Variants in MOB3B observed in about 807,000 individuals in gnomAD.
MOB3B encodes MOB kinase activator-like 2B.
MOB3B carries 7 observed loss-of-function variants against 18.7 expected under a neutral mutation model. The observed-to-expected ratio is 0.37, with a 90% CI of 0.21 to 0.70. The LOEUF (loss-of-function observed/expected upper bound fraction) is 0.70. Ranked by LOEUF, MOB3B falls within the 30% of genes least tolerant of loss-of-function variation. MOB3B has a pLI of 0.52. For missense variants in MOB3B, 253 were observed against 281.3 expected (o/e 0.90, Z 0.72); for synonymous variants, 111 against 99.9 (o/e 1.11, Z -0.66).
chr9:27,374,411 C>G (rs1319692768), intron 2 of MOB3B, among the ~76,000 whole-genome samples: 2 of 152,042 alleles, frequency 1.3e-5, no homozygotes, highest in Non-Finnish European at 2.9e-5. Context: ...CCAGAAAGTA[C>G]CCTCAATGGT....
chr9:27,447,457 A>G (rs1822710671), intron 2 of MOB3B, among the ~76,000 whole-genome samples: 1 of 152,222 alleles, frequency 6.6e-6, no homozygotes, highest in African/African-American at 2.4e-5. Context: ...CTTCCACTGA[A>G]TATCACATAT....
chr9:27,375,025 G>A (rs1752039135), intron 2 of MOB3B, among the ~76,000 whole-genome samples: 1 of 152,202 alleles, frequency 6.6e-6, no homozygotes, highest in African/African-American at 2.4e-5. Context: ...TCCACCATGG[G>A]GCCACCCCAG....
chr9:27,471,751 C>T (rs1162632285), intron 1 of MOB3B, among the ~76,000 whole-genome samples: 1 of 152,194 alleles, frequency 6.6e-6, no homozygotes, highest in East Asian at 1.9e-4. Flanking sequence ...TAACATCATG[C>T]TTTCTTGAAC....
At chr9:27,368,114 T>C (rs376169043) in intron 2 of MOB3B, among the ~76,000 whole-genome samples, 5 of 152,242 alleles carry the variant, frequency 3.3e-5, no homozygotes, top group African/African-American at 1.2e-4. Context: ...ATACCTCCTC[T>C]GGCAGCGTGG....
chr9:27,355,978 T>C (rs1229684221), intron 3 of MOB3B, among the ~76,000 whole-genome samples: 1 of 152,170 alleles, frequency 6.6e-6, no homozygotes, highest in African/African-American at 2.4e-5. Context: ...CCTAGCACTG[T>C]CAACTGTTGA....
intron 2 of MOB3B, among the ~76,000 whole-genome samples, chr9:27,374,834 T>C (rs1307544383): frequency 1.3e-5 from 2 of 152,252 alleles, no homozygotes; most frequent in Non-Finnish European, 2.9e-5. Context: ...TCCCCATACA[T>C]GGAAGATGCT....
At position 27,470,632 on chromosome 9, in the gene MOB3B, TGGCCCATCTATAATCAG is replaced by T. The variant is rs1315815250; in HGVS notation, c.-198-14901_-198-14885del. Among the ~76,000 whole-genome samples, 4 of 152,342 alleles carry T rather than the reference TGGCCCATCTATAATCAG, an allele frequency of 2.6e-5. No homozygotes were observed. The East Asian group carries it at 7.7e-4, about 29-fold the overall frequency. On this transcript the variant is annotated intron_variant, in intron 1 of 3. Transcript: ENST00000262244. ...ATTCTCACAGCTCACCCCCAACTTC[TGGCCCATCTATAATCAG>T]GGCCCACCCACCCATCTGTTAGCCC...
intron 1 of MOB3B, among the ~76,000 whole-genome samples, chr9:27,497,820 A>C (rs918515203): frequency 6.6e-5 from 10 of 152,210 alleles, no homozygotes; most frequent in Non-Finnish European, 1.5e-4. Flanking sequence ...CTTGTATGTA[A>C]ATAAATTCCT....
At chr9:27,344,632 T>C (rs1426087173) in intron 3 of MOB3B, among the ~76,000 whole-genome samples, 1 of 152,164 alleles carries the variant, frequency 6.6e-6, no homozygotes, top group East Asian at 1.9e-4. Flanking sequence ...GAATTAAAAA[T>C]GGAATTTAGA....
chr9:27,361,272 C>G (rs560928656), intron 2 of MOB3B, among the ~76,000 whole-genome samples: 131 of 152,314 alleles, frequency 8.6e-4, no homozygotes, highest in African/African-American at 2.5e-3. Context: ...GTCCGCCTGA[C>G]TCTAAAATCC....
intron 2 of MOB3B, among the ~76,000 whole-genome samples, chr9:27,429,025 A>G (rs1725918236): frequency 6.6e-6 from 1 of 152,240 alleles, no homozygotes; most frequent in Non-Finnish European, 1.5e-5. Flanking sequence ...TTCTTGACTC[A>G]TACATACTTT....
At chr9:27,429,890 G>T (rs1449583271) in intron 2 of MOB3B, among the ~76,000 whole-genome samples, 1 of 152,190 alleles carries the variant, frequency 6.6e-6, no homozygotes, top group Non-Finnish European at 1.5e-5. Context: ...AGGTATCAGA[G>T]AGGAGGAGCA....
chr9:27,502,111 A>G (rs1222111451), intron 1 of MOB3B, among the ~76,000 whole-genome samples: 4 of 152,154 alleles, frequency 2.6e-5, no homozygotes, highest in African/African-American at 9.7e-5. Context: ...ACAGATCTCC[A>G]GTTTCTAGTC....
rs58115889 is a variant in MOB3B at position 27,343,700 on chromosome 9, CTT to C, written c.622-13086_622-13085del. On this transcript the variant is annotated intron_variant, in intron 3 of 3. Transcript: ENST00000262244. ...TTTATTATGAGGCTGGAATTTTAGC[CTT>C]TTTTTTTTTTTTTTTTTAGCAGTAC... is the stretch of plus-strand genomic sequence containing the variant. Among the ~76,000 whole-genome samples the C allele has an allele frequency of 8.9e-3, 1,101 of 123,920 alleles. 7 individuals carry two copies. Among genetic ancestry groups the C allele is most frequent in the Non-Finnish European group, 0.012 (696 of 60,502 alleles). 81.3% of individuals were successfully genotyped at this position (123,920 alleles called of 152,430 possible).
At chr9:27,484,869 C>T (rs1819711274) in intron 1 of MOB3B, among the ~76,000 whole-genome samples, 1 of 152,202 alleles carries the variant, frequency 6.6e-6, no homozygotes, top group African/African-American at 2.4e-5. Flanking sequence ...TACATCCACA[C>T]AGTCAGGTTG....
chr9:27,337,224 T>C (rs949843686), intron 3 of MOB3B, among the ~76,000 whole-genome samples: 5 of 152,200 alleles, frequency 3.3e-5, no homozygotes, highest in Non-Finnish European at 7.3e-5. Context: ...CCTCTAGGGG[T>C]AGAGGCCAGG....
intron 2 of MOB3B, among the ~76,000 whole-genome samples, chr9:27,404,394 T>C (rs1587186459): frequency 7.1e-6 from 1 of 141,518 alleles, no homozygotes; most frequent in African/African-American, 2.7e-5. Context: ...TCTCGTTCTG[T>C]CACCAGGCTG....
At chr9:27,374,489 T>C (rs1821464498) in intron 2 of MOB3B, among the ~76,000 whole-genome samples, 2 of 152,114 alleles carry the variant, frequency 1.3e-5, no homozygotes, top group Non-Finnish European at 2.9e-5. Flanking sequence ...AATTTTAAGG[T>C]CCTTATGAAA....
rs779124158 is a variant in MOB3B, at chr9:27,343,478, T to TAAAAAAAAAAAAA, written c.622-12875_622-12863dup. ...ACACCCAAGAATGCTCAATAAATAC[T>TAAAAAAAAAAAAA]AAAAAAAAAAAAAAAAAAAAAAGAA... On this transcript the variant is annotated intron_variant, in intron 3 of 3. Coordinates refer to ENST00000262244, the MANE Select transcript of MOB3B (RefSeq NM_024761.5). 1.9e-3 allele frequency among the ~76,000 whole-genome samples: 158 copies of TAAAAAAAAAAAAA among 84,296 alleles called. 1 individual carries two copies. Among genetic ancestry groups the TAAAAAAAAAAAAA allele is most frequent in the Middle Eastern group, 6.0e-3 (1 of 166 alleles). The allele number at this position is 84,296 out of a possible 152,430, so 55.3% of individuals were successfully genotyped here.
Sources: gnomAD v4.1 joint callset for allele counts (sites outside exome capture counted in the v4.1 genomes callset) on GRCh38, gnomAD v4.1.1 for gene constraint, MANE v1.5 for transcripts, NCBI Gene and HGNC (gene_info 2026-07-23, HGNC 2026-07-21) for gene names.